GALNT13: variants seen among roughly 807,000 people sequenced by gnomAD.
GALNT13 encodes the protein UDP-GalNAc:polypeptide N-acetylgalactosaminyltransferase 13.
In GALNT13, 28 loss-of-function variants were observed where a neutral mutation model predicts 64.2. That is an observed-to-expected ratio of 0.44 (90% CI 0.32 to 0.60). The LOEUF (loss-of-function observed/expected upper bound fraction) is 0.60. GALNT13 is among the 20% of genes least tolerant of loss of function. GALNT13 has a pLI of 0.05. For synonymous variants in GALNT13, 214 were observed against 224.6 expected (o/e 0.95, Z 0.42); for missense variants, 577 against 669.8 (o/e 0.86, Z 1.53).
the GALNT13 span, among the ~76,000 whole-genome samples, chr2:153,098,324 A>G: frequency 6.6e-6 from 1 of 152,194 alleles, no homozygotes. Context: ...AGACCAATTT[A>G]TCTGGATATA....
the GALNT13 span, among the ~76,000 whole-genome samples, chr2:153,302,732 A>T: frequency 6.6e-6 from 1 of 152,072 alleles, no homozygotes; most frequent in Non-Finnish European, 1.5e-5. Flanking sequence ...ATTTTTTTGT[A>T]TATGTTATGA....
intron 9 of GALNT13, among the ~76,000 whole-genome samples, chr2:154,367,639 G>C (rs1025117271): frequency 6.6e-6 from 1 of 152,016 alleles, no homozygotes; most frequent in African/African-American, 2.4e-5. Flanking sequence ...ACATTTTCAC[G>C]GTTCCTATTG....
chr2:153,315,174 A>C, the GALNT13 span, among the ~76,000 whole-genome samples: 1 of 152,196 alleles, frequency 6.6e-6, no homozygotes. Context: ...AAGACACAAC[A>C]ACCTTTTTTT....
chr2:153,738,869 A>G, the GALNT13 span, among the ~76,000 whole-genome samples: 2 of 151,898 alleles, frequency 1.3e-5, no homozygotes, highest in South Asian at 4.1e-4. Flanking sequence ...TTTTTCCTTC[A>G]GTTTTTTTAT....
the GALNT13 span, among the ~76,000 whole-genome samples, chr2:153,521,627 T>C: frequency 6.6e-6 from 1 of 152,216 alleles, no homozygotes; most frequent in Non-Finnish European, 1.5e-5. Context: ...CATAATGACA[T>C]GTACCCACTA....
chr2:153,456,648 G>A, the GALNT13 span, among the ~76,000 whole-genome samples: 1 of 152,088 alleles, frequency 6.6e-6, no homozygotes, highest in Non-Finnish European at 1.5e-5. Context: ...TGTTCTATGG[G>A]CTTTATGTAT....
chr2:154,144,322 T>C (rs1683443145), intron 4 of GALNT13, among the ~76,000 whole-genome samples: 1 of 152,116 alleles, frequency 6.6e-6, no homozygotes, highest in Non-Finnish European at 1.5e-5. Context: ...ATTTAAAAGA[T>C]GTAGAAATGT....
At chr2:154,049,527 A>G (rs1299533495) in intron 3 of GALNT13, among the ~76,000 whole-genome samples, 1 of 147,996 alleles carries the variant, frequency 6.8e-6, no homozygotes, top group Non-Finnish European at 1.5e-5. Flanking sequence ...ATATATATAT[A>G]TATATGTATC....
intron 11 of GALNT13, among the ~76,000 whole-genome samples, chr2:154,423,591 T>C (rs1315883842): frequency 1.3e-5 from 2 of 152,228 alleles, no homozygotes; most frequent in East Asian, 3.8e-4. Flanking sequence ...TTTAAATGTA[T>C]GAATCTTAAT....
chr2:153,443,815 C>G, the GALNT13 span, among the ~76,000 whole-genome samples: 2 of 151,990 alleles, frequency 1.3e-5, no homozygotes, highest in Non-Finnish European at 2.9e-5. Flanking sequence ...TCCAGCTACT[C>G]AGGAGGCTGA....
At chr2:154,053,100 C>T (rs1389438815) in intron 3 of GALNT13, among the ~76,000 whole-genome samples, 1 of 152,106 alleles carries the variant, frequency 6.6e-6, no homozygotes, top group African/African-American at 2.4e-5. Flanking sequence ...AAACTTCCCA[C>T]AGCTGATGTA....
chr2:153,347,981 T>A, the GALNT13 span, among the ~76,000 whole-genome samples: 21 of 152,168 alleles, frequency 1.4e-4, no homozygotes, highest in African/African-American at 4.8e-4. Flanking sequence ...GTTAATTAGG[T>A]TTTTCTGAAG....
chr2:153,993,766 C>G (rs981584975), intron 3 of GALNT13, among the ~76,000 whole-genome samples: 1 of 151,186 alleles, frequency 6.6e-6, no homozygotes, highest in Non-Finnish European at 1.5e-5. Context: ...CAAAAGGATG[C>G]CAAATTTTGG....
the GALNT13 span, among the ~76,000 whole-genome samples, chr2:153,131,838 T>A: frequency 6.6e-6 from 1 of 151,936 alleles, no homozygotes; most frequent in African/African-American, 2.4e-5. Context: ...ATTTGGAGTA[T>A]GAGTAAATTG....
In GALNT13 at chr2:153,976,292, A is replaced by G. The variant is rs551031730; in HGVS notation, c.142+31653A>G. ...AATTAATTAATCAATCTGCTTTACA[A>G]TGTAACTAAATGTGGTTTCTGTAGT... is the stretch of plus-strand genomic sequence containing the variant. On this transcript the variant is annotated intron_variant, in intron 3 of 12. Transcript: ENST00000392825. Among the ~76,000 whole-genome samples, 5 of 152,260 alleles carry G rather than the reference A, an allele frequency of 3.3e-5. No homozygotes were observed. The East Asian group carries it at 7.7e-4, about 24-fold the overall frequency.
intron 3 of GALNT13, among the ~76,000 whole-genome samples, chr2:154,101,117 G>A (rs551040559): frequency 1.3e-5 from 2 of 151,940 alleles, no homozygotes; most frequent in East Asian, 3.9e-4. Flanking sequence ...TAGTATTTTG[G>A]TGAGGATTTT....
chr2:154,174,800 T>C (rs1359247772), intron 4 of GALNT13, among the ~76,000 whole-genome samples: 2 of 152,182 alleles, frequency 1.3e-5, no homozygotes, highest in South Asian at 2.1e-4. Flanking sequence ...CTGCTATGTC[T>C]CATTTTTCAT....
chr2:153,564,138 G>A, the GALNT13 span, among the ~76,000 whole-genome samples: 39 of 152,104 alleles, frequency 2.6e-4, no homozygotes, highest in African/African-American at 9.2e-4. Context: ...TCTATTCTCA[G>A]AAGTTGATGG....
intron 8 of GALNT13, among the ~76,000 whole-genome samples, chr2:154,286,053 A>C (rs537660287): frequency 6.6e-6 from 1 of 152,268 alleles, no homozygotes; most frequent in African/African-American, 2.4e-5. Context: ...GTGACCTACA[A>C]ATTTGTTTAT....
Sources: gnomAD v4.1 joint callset for allele counts (sites outside exome capture counted in the v4.1 genomes callset) on GRCh38, gnomAD v4.1.1 for gene constraint, MANE v1.5 for transcripts, NCBI Gene and HGNC (gene_info 2026-07-23, HGNC 2026-07-21) for gene names.